Variants in TENM4 observed in about 807,000 individuals in gnomAD.
The protein encoded by TENM4 is teneurin transmembrane protein 4.
In TENM4, 82 loss-of-function variants were observed where a neutral mutation model predicts 243.3. The ratio of observed to expected loss-of-function variants is 0.34; its 90% CI spans 0.28 to 0.40. TENM4 has a LOEUF of 0.40. Ranked by LOEUF, TENM4 falls within the 10% of genes least tolerant of loss-of-function variation. The pLI, the probability that TENM4 is intolerant of heterozygous loss-of-function variation, is 1.00. For missense variants in TENM4, 3,138 were observed against 3,673.3 expected (o/e 0.85, Z 3.77); for synonymous variants, 1,412 against 1,456.3 (o/e 0.97, Z 0.69).
Position 79,309,374 on chromosome 11 carries a change from G to A in TENM4, c.-320-11831C>T, listed in dbSNP as rs905663036. ...CCAAGAGGGTCCTCATCCCATCCTG[G>A]CCCTGGAGGTCAGATGGGGCCCATA... On this transcript the variant is annotated intron_variant, in intron 1 of 33. Transcript: ENST00000278550. Among the ~76,000 whole-genome samples the A allele has an allele frequency of 9.9e-5, 15 of 152,258 alleles. 3 individuals are homozygous for A. Among genetic ancestry groups the A allele is most frequent in the Admixed American group, 2.6e-4 (4 of 15,298 alleles).
At chr11:79,213,165 G>A (rs755613736) in intron 3 of TENM4, among the ~76,000 whole-genome samples, 32 of 152,282 alleles carry the variant, frequency 2.1e-4, no homozygotes, top group Middle Eastern at 3.4e-3. Flanking sequence ...GAAAGGCAGT[G>A]GGGACATTCC....
intron 6 of TENM4, among the ~76,000 whole-genome samples, chr11:78,942,089 C>G (rs1481086523): frequency 2.1e-5 from 3 of 144,584 alleles, no homozygotes; most frequent in South Asian, 2.2e-4. Flanking sequence ...TACATTAACA[C>G]TAATGATAGC....
rs1362769678 is a variant in TENM4, at chr11:78,658,827, AG to A, written c.7552-12del. On this transcript the variant is annotated splice_polypyrimidine_tract_variant and intron_variant, in intron 33 of 33. Transcript: ENST00000278550. ...TACCCCGAGGATAGACTGATGGGGG[AG>A]GAGAGTGAGAGAGAGAGTAAGACAA... 2.5e-6 allele frequency: 4 copies of A among 1,603,404 alleles called. No homozygotes were observed. Among genetic ancestry groups the A allele is most frequent in the Non-Finnish European group, 3.4e-6 (4 of 1,172,436 alleles).
At chr11:79,170,974 C>G (rs1485624586) in intron 3 of TENM4, among the ~76,000 whole-genome samples, 1 of 152,124 alleles carries the variant, frequency 6.6e-6, no homozygotes, top group Admixed American at 6.5e-5. Flanking sequence ...TGTGAAAGCT[C>G]AAGTCAGTTT....
chr11:79,264,514 G>T (rs1209664496), intron 2 of TENM4, among the ~76,000 whole-genome samples: 1 of 152,170 alleles, frequency 6.6e-6, no homozygotes, highest in Non-Finnish European at 1.5e-5. Context: ...AGCTCTGGGT[G>T]TGTGGCAATA....
chr11:78,948,513 C>T (rs951399892), intron 6 of TENM4, among the ~76,000 whole-genome samples: 3 of 152,018 alleles, frequency 2.0e-5, no homozygotes, highest in Admixed American at 1.3e-4. Context: ...AGCTGGACTA[C>T]AGGCACCCGC....
At chr11:79,121,780 A>T (rs1861750748) in intron 4 of TENM4, among the ~76,000 whole-genome samples, 1 of 152,196 alleles carries the variant, frequency 6.6e-6, no homozygotes, top group Admixed American at 6.5e-5. Context: ...TTTGGAGTTT[A>T]ACAATACTGG....
chr11:79,126,061 C>A (rs1565214303), intron 4 of TENM4, among the ~76,000 whole-genome samples: 2 of 152,174 alleles, frequency 1.3e-5, no homozygotes, highest in Non-Finnish European at 2.9e-5. Context: ...AGGGAATCTG[C>A]ATTTAATGTT....
chr11:79,417,222 T>C (rs1002302515), intron 1 of TENM4, among the ~76,000 whole-genome samples: 37 of 152,214 alleles, frequency 2.4e-4, no homozygotes, highest in African/African-American at 8.9e-4. Flanking sequence ...ACTGAAAACA[T>C]GTCTAGAGTT....
chr11:79,437,185 A>G (rs1017897404), intron 1 of TENM4, among the ~76,000 whole-genome samples: 11 of 152,250 alleles, frequency 7.2e-5, no homozygotes, highest in Non-Finnish European at 1.6e-4. Flanking sequence ...ACACCTGGAA[A>G]GGGGAAACCT....
At chr11:79,302,180 C>T (rs541481153) in intron 1 of TENM4, among the ~76,000 whole-genome samples, 17 of 152,238 alleles carry the variant, frequency 1.1e-4, no homozygotes, top group African/African-American at 4.1e-4. Flanking sequence ...CAAGCAATCA[C>T]CTCTAGGTTT....
At chr11:78,709,134 A>ATTTTTTTTT (rs372114866) in intron 26 of TENM4, among the ~76,000 whole-genome samples, 1 of 126,138 alleles carries the variant, frequency 7.9e-6, no homozygotes, top group African/African-American at 3.2e-5. Context: ...TGCCTGGCTA[A>ATTTTTTTTT]TTTTTTTTTT....
At chr11:79,428,441 C>T (rs1220754567) in intron 1 of TENM4, among the ~76,000 whole-genome samples, 1 of 152,226 alleles carries the variant, frequency 6.6e-6, no homozygotes, top group African/African-American at 2.4e-5. Flanking sequence ...CTATTATCAT[C>T]TGATAAGCAT....
At chr11:79,263,310 A>T (rs199842871) in intron 2 of TENM4, among the ~76,000 whole-genome samples, 1 of 152,210 alleles carries the variant, frequency 6.6e-6, no homozygotes, top group East Asian at 1.9e-4. Context: ...CAGCCAACTC[A>T]GAGGCAGCAG....
intron 3 of TENM4, among the ~76,000 whole-genome samples, chr11:79,162,998 A>G (rs2135090399): frequency 6.6e-6 from 1 of 152,342 alleles, no homozygotes; most frequent in Admixed American, 6.5e-5. Context: ...CAGGTTGCAC[A>G]TACATGCATA....
At chr11:79,193,877 T>C (rs370424424) in intron 3 of TENM4, among the ~76,000 whole-genome samples, 4 of 151,976 alleles carry the variant, frequency 2.6e-5, no homozygotes, top group Non-Finnish European at 5.9e-5. Flanking sequence ...TGTTTGGAGG[T>C]TGGGGGCAGC....
intron 3 of TENM4, among the ~76,000 whole-genome samples, chr11:79,180,483 T>G (rs1863259570): frequency 6.6e-6 from 1 of 151,750 alleles, no homozygotes; most frequent in Non-Finnish European, 1.5e-5. Flanking sequence ...GTTGCCTTGG[T>G]CAAGTCCTTT....
intron 4 of TENM4, among the ~76,000 whole-genome samples, chr11:79,147,000 C>A (rs1255935258): frequency 6.6e-6 from 1 of 152,108 alleles, no homozygotes; most frequent in East Asian, 1.9e-4. Context: ...TGCATGCACA[C>A]ACATGCATAG....
At chr11:79,041,929 G>A (rs1333434366) in intron 6 of TENM4, among the ~76,000 whole-genome samples, 4 of 152,156 alleles carry the variant, frequency 2.6e-5, no homozygotes, top group South Asian at 2.1e-4. Flanking sequence ...TGACCACAAC[G>A]GGGGCTACAG....
Sources: allele counts gnomAD v4.1 joint callset (sites outside exome capture counted in the v4.1 genomes callset), GRCh38; gene constraint gnomAD v4.1.1; transcripts MANE v1.5; gene names NCBI Gene and HGNC (gene_info 2026-07-23, HGNC 2026-07-21).